USH2A: variants seen among roughly 807,000 people sequenced by gnomAD.
The protein encoded by USH2A is Usher syndrome 2A (autosomal recessive, mild).
Under a neutral mutation model 538.9 loss-of-function variants are expected in USH2A, and 443 were observed. The ratio of observed to expected loss-of-function variants is 0.82; its 90% CI spans 0.76 to 0.89. The LOEUF (loss-of-function observed/expected upper bound fraction) is 0.89, where lower values mean the gene tolerates loss of function less well. USH2A is among the 40% of genes least tolerant of loss of function. The pLI is 0.00. For missense variants in USH2A, 6,633 were observed against 6,324.8 expected (o/e 1.05, Z -1.65); for synonymous variants, 2,413 against 2,273.5 (o/e 1.06, Z -1.75).
chr1:216,066,049 T>C (rs945300850), intron 30 of USH2A, among the ~76,000 whole-genome samples: 1 of 152,170 alleles, frequency 6.6e-6, no homozygotes, highest in Non-Finnish European at 1.5e-5. Flanking sequence ...CTGATATATT[T>C]TGCCTTTTAA....
chr1:216,371,754 G>T (rs1298620062), intron 3 of USH2A, among the ~76,000 whole-genome samples: 2 of 152,052 alleles, frequency 1.3e-5, no homozygotes, highest in Non-Finnish European at 2.9e-5. Context: ...TGCTTTACCT[G>T]CTGGACAGAA....
intron 31 of USH2A, among the ~76,000 whole-genome samples, chr1:216,047,802 CT>C (rs2030588113): frequency 6.6e-6 from 1 of 152,176 alleles, no homozygotes; most frequent in African/African-American, 2.4e-5. Context: ...TACAATTCCT[CT>C]TATCCAGAAT....
intron 64 of USH2A, among the ~76,000 whole-genome samples, chr1:215,652,988 G>T (rs541985853): frequency 4.6e-5 from 7 of 152,294 alleles, no homozygotes; most frequent in Non-Finnish European, 1.0e-4. Context: ...GGAGATGGAA[G>T]TAGTGCAGGC....
At chr1:215,643,523 A>G (rs1395853076) in intron 67 of USH2A, among the ~76,000 whole-genome samples, 1 of 150,972 alleles carries the variant, frequency 6.6e-6, no homozygotes, top group African/African-American at 2.4e-5. Context: ...AATAGATAAA[A>G]TCCTTTTTTT....
At chr1:216,403,943 C>T (rs909384702) in intron 3 of USH2A, among the ~76,000 whole-genome samples, 6 of 152,148 alleles carry the variant, frequency 3.9e-5, no homozygotes, top group African/African-American at 1.4e-4. Flanking sequence ...CTTCTCTCTC[C>T]TGACGCCACG....
chr1:216,129,889 C>T (rs1478372538), intron 21 of USH2A, among the ~76,000 whole-genome samples: 1 of 151,904 alleles, frequency 6.6e-6, no homozygotes, highest in Non-Finnish European at 1.5e-5. Context: ...AATAAAGAAC[C>T]CAGAAATAAA....
At chr1:215,943,322 A>T in intron 37 of USH2A, among the ~76,000 whole-genome samples, 1 of 152,156 alleles carries the variant, frequency 6.6e-6, no homozygotes, top group East Asian at 1.9e-4. Flanking sequence ...CTGGAAATTA[A>T]AAAATGCAGT....
At chr1:215,983,073 C>A (rs946261947) in intron 35 of USH2A, among the ~76,000 whole-genome samples, 12 of 152,166 alleles carry the variant, frequency 7.9e-5, no homozygotes, top group African/African-American at 2.9e-4. Context: ...GCCTTAGCCT[C>A]CAGAGTAGCT....
Position 215,627,702 on chromosome 1 carries a change from T to A in USH2A, c.15519+1112A>T, listed in dbSNP as rs150433825. ...CACCGCGCCCAGCTAATTTTTGTAT[T>A]TTTGGTAGAGACGAGGTTTCACCAT... On this transcript the variant is annotated intron_variant, in intron 71 of 71. Coordinates refer to ENST00000307340, the MANE Select transcript of USH2A (RefSeq NM_206933.4). Among the ~76,000 whole-genome samples the A allele has an allele frequency of 6.1e-3, 922 of 152,142 alleles. 23 individuals are homozygous for A. The South Asian group carries it at 0.071, about 12-fold the overall frequency.
At chr1:216,073,412 T>C (rs1481955319) in intron 27 of USH2A, 112 bp from the exon 28 acceptor site, 9 of 1,142,628 alleles carry the variant, frequency 7.9e-6, no homozygotes, top group African/African-American at 4.6e-5. Context: ...TTAGATACAA[T>C]TGCTAGACTT....
At chr1:216,068,140 G>T (rs948856599) in intron 30 of USH2A, among the ~76,000 whole-genome samples, 4 of 152,200 alleles carry the variant, frequency 2.6e-5, no homozygotes, top group African/African-American at 9.7e-5. Context: ...AGAGTGTCAA[G>T]TGTTTTTTGC....
intron 4 of USH2A, among the ~76,000 whole-genome samples, chr1:216,346,333 A>G (rs2038175427): frequency 6.6e-6 from 1 of 152,100 alleles, no homozygotes; most frequent in Non-Finnish European, 1.5e-5. Context: ...CATTTTGAGA[A>G]AAAACATCTG....
chr1:215,982,599 T>C (rs1031696302), intron 35 of USH2A, among the ~76,000 whole-genome samples: 8 of 152,212 alleles, frequency 5.3e-5, no homozygotes, highest in African/African-American at 1.7e-4. Flanking sequence ...AACAAGTATT[T>C]ACTAAATACT....
rs557171678 is a variant in USH2A at position 216,336,637 on chromosome 1, A to G, written c.785-8983T>C. ...AATCATACACAGTCCACTGTATTTT[A>G]ACTAAGTGGCAAAGAAAATTAAATG... On this transcript the variant is annotated intron_variant, in intron 4 of 71. Transcript: ENST00000307340. 2.0e-5 allele frequency among the ~76,000 whole-genome samples: 3 copies of G among 151,638 alleles called. No homozygotes were observed. The South Asian group carries it at 6.2e-4, about 31-fold the overall frequency.
At chr1:215,997,660 T>A (rs1329494635) in intron 34 of USH2A, among the ~76,000 whole-genome samples, 1 of 152,134 alleles carries the variant, frequency 6.6e-6, no homozygotes, top group Non-Finnish European at 1.5e-5. Context: ...CTGTTCTATG[T>A]CATTTGCCTA....
intron 8 of USH2A, among the ~76,000 whole-genome samples, chr1:216,322,483 T>G (rs1300358085): frequency 6.6e-6 from 1 of 151,530 alleles, no homozygotes; most frequent in African/African-American, 2.4e-5. Flanking sequence ...GGCACATGCC[T>G]GTAGTCCCAG....
rs1283632713 is a variant in USH2A at position 215,867,161 on chromosome 1, G to A, written c.8691C>T (p.Thr2897=). 1 of 1,613,866 alleles carries A rather than the reference G, an allele frequency of 6.2e-7. No homozygotes were observed. Among genetic ancestry groups the A allele is most frequent in the African/African-American group, 1.3e-5 (1 of 74,900 alleles). ...YEDKGLSRFT[T]YEYMLFVHNS... is the part of the protein sequence containing the mutation. ...TGTGTACGAAGAGCATATATTCATA[G>A]GTTGTAAACCTAAAATGTTGTTTTG... The change falls in exon 44 of 72, where the codon ACC becomes ACT. Residue 2897 remains threonine (T), a synonymous_variant. Transcript: ENST00000307340.
intron 11 of USH2A, among the ~76,000 whole-genome samples, chr1:216,252,781 T>C (rs757525985): frequency 3.3e-5 from 5 of 152,176 alleles, no homozygotes; most frequent in Non-Finnish European, 5.9e-5. Flanking sequence ...GTCCAAAGGA[T>C]ACAAAATCAT....
chr1:216,368,412 T>A (rs1475729682), intron 3 of USH2A, among the ~76,000 whole-genome samples: 1 of 152,182 alleles, frequency 6.6e-6, no homozygotes, highest in Non-Finnish European at 1.5e-5. Flanking sequence ...GCTATTTTAC[T>A]CCTGCTGGCC....
Sources: allele counts gnomAD v4.1 joint callset (sites outside exome capture counted in the v4.1 genomes callset), GRCh38; gene constraint gnomAD v4.1.1; transcripts MANE v1.5; gene names NCBI Gene and HGNC (gene_info 2026-07-23, HGNC 2026-07-21).